The following PPP1R12A variants were observed in gnomAD, a reference collection of about 807,000 sequenced individuals.
PPP1R12A encodes protein phosphatase 1 regulatory subunit 12A.
A neutral mutation model predicts 139.6 loss-of-function variants in PPP1R12A; 19 were observed. The ratio of observed to expected loss-of-function variants is 0.14; its 90% CI spans 0.09 to 0.20. The LOEUF (loss-of-function observed/expected upper bound fraction) is 0.20. Among genes scored for constraint, PPP1R12A ranks in the 10% least tolerant of loss-of-function variants. PPP1R12A has a pLI of 1.00. For synonymous variants in PPP1R12A, 427 were observed against 420.6 expected, an observed-to-expected ratio of 1.02 and a Z score of -0.19; for missense variants, 925 against 1,211.5, an observed-to-expected ratio of 0.76 and a Z score of 3.51.
chr12:79,805,130 T>C (rs1404985132), intron 14 of PPP1R12A, among the ~76,000 whole-genome samples: 1 of 152,220 alleles, frequency 6.6e-6, no homozygotes, highest in African/African-American at 2.4e-5. Context: ...TGCACAGAAG[T>C]CTTTCCTTAC....
rs1196224957 is a variant in PPP1R12A, at chr12:79,805,894, T to A, written c.1824-126A>T. 4.6e-6 allele frequency: 5 copies of A among 1,093,528 alleles called. No homozygotes were observed. The African/African-American group carries it at 4.8e-5, about 10-fold the overall frequency. 67.7% of individuals were successfully genotyped at this position (1,093,528 alleles called of 1,614,324 possible). A position where few individuals can be genotyped will look rare whatever the true frequency, so the allele number is the denominator to read the frequency against. ...TTTTTTTAAAACGCAAGGTGAGACA[T>A]CCTTAAATTATGAACCAAAAAGCTC... is the stretch of plus-strand genomic sequence containing the variant. On this transcript the variant is annotated intron_variant, in intron 13 of 24. Coordinates refer to ENST00000450142, the MANE Select transcript of PPP1R12A (RefSeq NM_002480.3).
intron 19 of PPP1R12A, 57 bp from the exon 20 acceptor site, chr12:79,790,540 T>C (rs1871712812): frequency 1.6e-6 from 2 of 1,212,790 alleles, no homozygotes; most frequent in South Asian, 1.7e-5. Context: ...CATTAAACTA[T>C]TAACCTATGA....
At chr12:79,829,240 C>T (rs1057187508) in intron 4 of PPP1R12A, among the ~76,000 whole-genome samples, 2 of 152,060 alleles carry the variant, frequency 1.3e-5, no homozygotes, top group African/African-American at 4.8e-5. Context: ...TAGCATAGCC[C>T]CACACAAACA....
intron 9 of PPP1R12A, among the ~76,000 whole-genome samples, chr12:79,815,151 A>C (rs910365208): frequency 6.6e-6 from 1 of 152,188 alleles, no homozygotes; most frequent in Non-Finnish European, 1.5e-5. Context: ...TGTTGGCTAT[A>C]TGTGAGAAAA....
At chr12:79,799,677 C>T (rs575365466) in intron 14 of PPP1R12A, among the ~76,000 whole-genome samples, 19 of 152,182 alleles carry the variant, frequency 1.2e-4, no homozygotes, top group East Asian at 3.9e-4. Flanking sequence ...CCTCTTGTCA[C>T]GGGGTATGCA....
chr12:79,895,314 G>A lies in PPP1R12A; in HGVS notation c.238-22376C>T, dbSNP rs1022104843. ...GAAGCAACTCCTGCAGATAATTTCA[G>A]GGTTCCTGGAAAAAAAAACAGGAGA... On this transcript the variant is annotated intron_variant, in intron 1 of 24. Transcript: ENST00000450142. 4.6e-5 allele frequency among the ~76,000 whole-genome samples: 7 copies of A among 151,990 alleles called. No homozygotes were observed. The East Asian group carries it at 1.4e-3, about 29-fold the overall frequency.
At position 79,775,959 on chromosome 12, in the gene PPP1R12A, C is replaced by A; in HGVS notation, c.3063G>T (p.Leu1021Phe). The A allele has an allele frequency of 1.3e-6, 2 of 1,594,882 alleles. No individual in the cohort carries two copies. Among genetic ancestry groups the A allele is most frequent in the Non-Finnish European group, 8.5e-7 (1 of 1,170,050 alleles). The change falls in exon 25 of 25, where the codon TTG (leucine) becomes TTT (phenylalanine). Residue 1021 changes from leucine (L) to phenylalanine (F), a missense_variant. Physicochemically the swap from Leu to Phe is conservative, Grantham distance 22. Coordinates refer to ENST00000450142, the MANE Select transcript of PPP1R12A (RefSeq NM_002480.3). ...NQRLKDENGA[L>F]IRVISKLSK is the part of the protein sequence containing the mutation. ...TGGAAAGTTTGCTTATAACTCTGAT[C>A]AAGGCCCCATTTTCATCCTTTAGCC... is the stretch of plus-strand genomic sequence containing the variant.
chr12:79,826,578 T>A (rs1406883180), intron 5 of PPP1R12A, among the ~76,000 whole-genome samples: 1 of 151,936 alleles, frequency 6.6e-6, no homozygotes, highest in Non-Finnish European at 1.5e-5. Flanking sequence ...AAATTTAGAG[T>A]GACATAAGGA....
At chr12:79,874,059 T>C (rs1882851782) in intron 1 of PPP1R12A, among the ~76,000 whole-genome samples, 1 of 152,102 alleles carries the variant, frequency 6.6e-6, no homozygotes, top group African/African-American at 2.4e-5. Context: ...GCAGATCACC[T>C]GAGGTCAGGA....
chr12:79,793,810 G>C, intron 19 of PPP1R12A, 53 bp downstream of exon 19: 1 of 1,363,922 alleles, frequency 7.3e-7, no homozygotes, highest in Non-Finnish European at 1.0e-6. Context: ...CAATTTAAAA[G>C]TAATTATTAA....
At chr12:79,883,747 T>G (rs548256089) in intron 1 of PPP1R12A, among the ~76,000 whole-genome samples, 1 of 150,844 alleles carries the variant, frequency 6.6e-6, no homozygotes, top group South Asian at 2.1e-4. Context: ...TGTAGAGAAG[T>G]GATTTTGAAA....
At chr12:79,923,978 C>T (rs1222374901) in intron 1 of PPP1R12A, among the ~76,000 whole-genome samples, 4 of 151,832 alleles carry the variant, frequency 2.6e-5, no homozygotes, top group East Asian at 1.9e-4. Flanking sequence ...TGGGAGGCGG[C>T]GTTTGCAGTG....
At chr12:79,835,169 A>G (rs1048546199) in intron 3 of PPP1R12A, among the ~76,000 whole-genome samples, 4 of 152,064 alleles carry the variant, frequency 2.6e-5, no homozygotes, top group South Asian at 2.1e-4. Context: ...CTGCTTTTGG[A>G]TATCAGACTA....
chr12:79,888,562 A>G (rs1018910817), intron 1 of PPP1R12A, among the ~76,000 whole-genome samples: 2 of 149,646 alleles, frequency 1.3e-5, no homozygotes, highest in African/African-American at 5.1e-5. Context: ...AAGCAAGGGG[A>G]AAATGGAAAA....
chr12:79,816,285 A>G, intron 9 of PPP1R12A, among the ~76,000 whole-genome samples: 1 of 152,196 alleles, frequency 6.6e-6, no homozygotes, highest in African/African-American at 2.4e-5. Context: ...GTATTATACC[A>G]AAGTTAAATT....
At chr12:79,931,836 A>G (rs761364841) in intron 1 of PPP1R12A, among the ~76,000 whole-genome samples, 9 of 152,182 alleles carry the variant, frequency 5.9e-5, no homozygotes, top group South Asian at 2.1e-4. Context: ...AGACTAAGAT[A>G]GGAAATTTGA....
In PPP1R12A at chr12:79,826,337, G is replaced by GTTTTT. The variant is rs34658905; in HGVS notation, c.792+1978_792+1982dup. On this transcript the variant is annotated intron_variant, in intron 5 of 24. Coordinates refer to ENST00000450142, the MANE Select transcript of PPP1R12A (RefSeq NM_002480.3). ...TAAATATGAGGCACAATTGTTTCGG[G>GTTTTT]TTTTTTTTTTTTTTTTTTTTTTGAG... is the stretch of plus-strand genomic sequence containing the variant. Among the ~76,000 whole-genome samples the GTTTTT allele has an allele frequency of 1.1e-3, 128 of 117,178 alleles. 1 individual carries two copies. The highest frequency in any genetic ancestry group is 1.7e-3 in the Non-Finnish European group (96 of 57,856). 76.9% of individuals were successfully genotyped at this position (117,178 alleles called of 152,430 possible).
intron 1 of PPP1R12A, among the ~76,000 whole-genome samples, chr12:79,881,575 C>T (rs535936771): frequency 4.6e-5 from 7 of 152,310 alleles, no homozygotes; most frequent in African/African-American, 1.4e-4. Context: ...AGGTAAGAAG[C>T]AATCTCCATA....
intron 17 of PPP1R12A, 36 bp from the exon 18 acceptor site, chr12:79,795,795 A>G (rs761758160): frequency 1.3e-6 from 2 of 1,587,752 alleles, no homozygotes; most frequent in South Asian, 2.3e-5. Context: ...ATATAGCAAT[A>G]TATCTTGACA....
Sources: allele counts gnomAD v4.1 joint callset (sites outside exome capture counted in the v4.1 genomes callset), GRCh38; gene constraint gnomAD v4.1.1; transcripts MANE v1.5; gene names NCBI Gene and HGNC (gene_info 2026-07-23, HGNC 2026-07-21).